The following NFIC variants were observed in gnomAD, a reference collection of about 807,000 sequenced individuals.
NFIC encodes the protein nuclear factor 1 C-type.
A neutral mutation model predicts 54.4 loss-of-function variants in NFIC; 12 were observed. The observed-to-expected ratio is 0.22, with a 90% CI of 0.14 to 0.36. The LOEUF (loss-of-function observed/expected upper bound fraction) is 0.36. Among genes scored for constraint, NFIC ranks in the 10% least tolerant of loss-of-function variants. The pLI, the probability that NFIC is intolerant of heterozygous loss-of-function variation, is 1.00. For missense variants in NFIC, 575 were observed against 718.2 expected (o/e 0.80, Z 2.28); for synonymous variants, 322 against 319.2 (o/e 1.01, Z -0.09).
chr19:3,403,766 C>G (rs1452207970), intron 2 of NFIC, among the ~76,000 whole-genome samples: 1 of 152,328 alleles, frequency 6.6e-6, no homozygotes, highest in Non-Finnish European at 1.5e-5. Flanking sequence ...CAGTTGGAGA[C>G]GCGCCCCAAG....
rs190328306 is a variant in NFIC, at chr19:3,448,884, C to A, written c.959-130C>A. On this transcript the variant is annotated intron_variant, in intron 6 of 10. Transcript: ENST00000443272. ...TGTAATGGGCTCACAGCCTCTCCCC[C>A]TCAGGATTCTGGGGTAAGAGGAGGC... 56 of 1,409,054 alleles carry A rather than the reference C, an allele frequency of 4.0e-5. No homozygotes were observed. The East Asian group carries it at 8.0e-4, about 20-fold the overall frequency. The allele number at this position is 1,409,054 out of a possible 1,614,324, so 87.3% of individuals were successfully genotyped here.
At chr19:3,400,898 T>C (rs1359423628) in intron 2 of NFIC, among the ~76,000 whole-genome samples, 2 of 152,290 alleles carry the variant, frequency 1.3e-5, no homozygotes, top group Admixed American at 1.3e-4. Flanking sequence ...CGATAAGGAC[T>C]ATCAAGAAAA....
intron 2 of NFIC, among the ~76,000 whole-genome samples, chr19:3,418,617 C>T (rs558652514): frequency 1.1e-4 from 17 of 151,980 alleles, no homozygotes; most frequent in East Asian, 1.9e-4. Flanking sequence ...TTTGGGAGGC[C>T]GAGGCAGGAG....
At position 3,439,983 on chromosome 19, in the gene NFIC, C is replaced by T. The variant is rs557957485; in HGVS notation, c.958+4776C>T. 6.3e-4 allele frequency among the ~76,000 whole-genome samples: 96 copies of T among 152,162 alleles called. 3 individuals are homozygous for T. The South Asian group carries it at 0.016, about 26-fold the overall frequency. On this transcript the variant is annotated intron_variant, in intron 6 of 10. Coordinates refer to ENST00000443272, the MANE Select transcript of NFIC (RefSeq NM_001245002.2). The stretch of plus-strand genomic sequence containing the variant: ...GATTACAGGCGTGAGCCACCGCGCC[C>T]GGCCAAACACTGGAAGAATTTTAAC...
chr19:3,368,437 G>A (rs540900066), intron 1 of NFIC, among the ~76,000 whole-genome samples: 4 of 152,338 alleles, frequency 2.6e-5, no homozygotes, highest in African/African-American at 9.6e-5. Flanking sequence ...GGACCAGCCA[G>A]GAGGGCTGTC....
chr19:3,429,045 G>GAGGC (rs1280537273), intron 3 of NFIC, among the ~76,000 whole-genome samples: 1 of 151,814 alleles, frequency 6.6e-6, no homozygotes, highest in Non-Finnish European at 1.5e-5. Context: ...AGCACTTTGG[G>GAGGC]AGGCTGAAGC....
rs2082471299 is a variant in NFIC at position 3,452,003 on chromosome 19, G to C, written c.1085-479G>C. On this transcript the variant is annotated intron_variant, in intron 7 of 10. Transcript: ENST00000443272. The surrounding 1 kb of genome is among the most constrained non-coding windows in gnomAD (Gnocchi z 5.3). ...ATGGCGGCGTGCACTTGTAATCCCA[G>C]CTACTCGGGAGGCTGAGGCAGAATT... 6.6e-6 allele frequency among the ~76,000 whole-genome samples: 1 copy of C among 151,238 alleles called. No homozygotes were observed. Among genetic ancestry groups the C allele is most frequent in the Non-Finnish European group, 1.5e-5 (1 of 67,930 alleles).
chr19:3,450,780 G>A (rs1002320783), intron 7 of NFIC, among the ~76,000 whole-genome samples: 1 of 152,224 alleles, frequency 6.6e-6, no homozygotes, highest in Non-Finnish European at 1.5e-5. Context: ...CAACTATTTA[G>A]TTCTTTACAC....
chr19:3,408,121 G>A (rs913941612), intron 2 of NFIC, among the ~76,000 whole-genome samples: 4 of 152,100 alleles, frequency 2.6e-5, no homozygotes, highest in Admixed American at 1.3e-4. Context: ...GCCGGCTAAC[G>A]TTGGAAAATC....
At chr19:3,425,513 G>A (rs568875149) in intron 3 of NFIC, among the ~76,000 whole-genome samples, 1 of 152,320 alleles carries the variant, frequency 6.6e-6, no homozygotes, top group East Asian at 1.9e-4. Flanking sequence ...AGGCTGGAGT[G>A]CAGTGGCACA....
intron 6 of NFIC, among the ~76,000 whole-genome samples, chr19:3,444,071 C>G (rs904679390): frequency 6.6e-6 from 1 of 150,426 alleles, no homozygotes; most frequent in Non-Finnish European, 1.5e-5. Flanking sequence ...AAACAAATGG[C>G]TGCTCCGACG....
intron 2 of NFIC, among the ~76,000 whole-genome samples, chr19:3,418,605 A>G (rs551735710): frequency 1.3e-5 from 2 of 152,082 alleles, no homozygotes; most frequent in Non-Finnish European, 2.9e-5. Flanking sequence ...TAATCCCAGC[A>G]CTTTGGGAGG....
intron 9 of NFIC, chr19:3,454,285 G>C (rs950464167): frequency 2.0e-5 from 22 of 1,086,558 alleles, no homozygotes; most frequent in Non-Finnish European, 2.4e-5. Flanking sequence ...CCCCCAGACT[G>C]GTCTTTTGTT....
chr19:3,387,640 G>C (rs558210739), intron 2 of NFIC, among the ~76,000 whole-genome samples: 168 of 152,224 alleles, frequency 1.1e-3, no homozygotes, highest in African/African-American at 2.0e-3. Context: ...AGGCTTGAAG[G>C]GGGTGAGGGA....
intron 1 of NFIC, among the ~76,000 whole-genome samples, chr19:3,376,982 G>A (rs959276221): frequency 1.1e-4 from 17 of 151,014 alleles, no homozygotes; most frequent in African/African-American, 3.9e-4. Flanking sequence ...CACCCACCTC[G>A]GCCTCCCAAA....
At chr19:3,363,088 T>C (rs1222530381), upstream of NFIC, among the ~76,000 whole-genome samples, 1 of 151,970 alleles carries the variant, frequency 6.6e-6, no homozygotes, top group East Asian at 1.9e-4. Flanking sequence ...TCCAGAATGT[T>C]ACCATCTATA....
chr19:3,379,612 C>T lies in NFIC; in HGVS notation c.31-2100C>T, dbSNP rs187909443. On this transcript the variant is annotated intron_variant, in intron 1 of 10. Coordinates refer to ENST00000443272, the MANE Select transcript of NFIC (RefSeq NM_001245002.2). ...CCACCTGCCTCAGCCTCCCAAAGTG[C>T]TGGGATTACAGGCGTGAGCCACTGC... Among the ~76,000 whole-genome samples the T allele has an allele frequency of 4.9e-4, 74 of 151,562 alleles. 1 individual carries two copies. Among genetic ancestry groups the T allele is most frequent in the Admixed American group, 4.0e-3 (61 of 15,218 alleles).
chr19:3,396,502 C>T (rs983486389), intron 2 of NFIC, among the ~76,000 whole-genome samples: 4 of 151,074 alleles, frequency 2.6e-5, no homozygotes, highest in Non-Finnish European at 5.9e-5. Context: ...GTGTGTGTTT[C>T]CAAGAGGCTG....
intron 6 of NFIC, among the ~76,000 whole-genome samples, chr19:3,438,204 C>G (rs1055805100): frequency 1.3e-5 from 2 of 152,170 alleles, no homozygotes; most frequent in African/African-American, 4.8e-5. Flanking sequence ...ATTTTAAGCT[C>G]TGGAGCTCAG....
Sources: allele counts gnomAD v4.1 joint callset (sites outside exome capture counted in the v4.1 genomes callset), GRCh38; gene constraint gnomAD v4.1.1; non-coding constraint Gnocchi (gnomAD v3.1); transcripts MANE v1.5; gene names NCBI Gene and HGNC (gene_info 2026-07-23, HGNC 2026-07-21).